The following TTLL6 variants were observed in gnomAD, a reference collection of about 807,000 sequenced individuals.
TTLL6 encodes the protein tubulin tyrosine ligase like 6.
A neutral mutation model predicts 96.4 loss-of-function variants in TTLL6; 75 were observed. That is an observed-to-expected ratio of 0.78 (90% CI 0.65 to 0.94). The LOEUF (loss-of-function observed/expected upper bound fraction) is 0.94, where lower values mean the gene tolerates loss of function less well. TTLL6 is among the 40% of genes least tolerant of loss of function. The pLI, the probability that TTLL6 is intolerant of heterozygous loss-of-function variation, is 0.00. For missense variants in TTLL6, 1,030 were observed against 1,093.0 expected (o/e 0.94, Z 0.81); for synonymous variants, 411 against 419.4 (o/e 0.98, Z 0.24).
At chr17:48,791,202 A>T (rs1180499098) in intron 9 of TTLL6, among the ~76,000 whole-genome samples, 176 bp downstream of exon 9, 1 of 151,816 alleles carries the variant, frequency 6.6e-6, no homozygotes, top group African/African-American at 2.4e-5. Context: ...CCAGCTGTCT[A>T]CCCCCCTCTG....
At chr17:48,813,100 G>A (rs2039617835) in intron 1 of TTLL6, among the ~76,000 whole-genome samples, 1 of 152,180 alleles carries the variant, frequency 6.6e-6, no homozygotes, top group Non-Finnish European at 1.5e-5. Context: ...AAGAGGCACA[G>A]CTGGGGTTGG....
intron 1 of TTLL6, among the ~76,000 whole-genome samples, chr17:48,805,560 G>A (rs1343152863): frequency 6.6e-6 from 1 of 152,168 alleles, no homozygotes; most frequent in Admixed American, 6.5e-5. Context: ...AGAAGGCTGT[G>A]TCTCTCCCAC....
At chr17:48,796,392 C>T (rs1293130661) in intron 7 of TTLL6, among the ~76,000 whole-genome samples, 1 of 152,180 alleles carries the variant, frequency 6.6e-6, no homozygotes, top group African/African-American at 2.4e-5. Context: ...GAGGCTGAGG[C>T]AGGCAGATCA....
intron 5 of TTLL6, 147 bp from the exon 6 acceptor site, chr17:48,799,907 G>A: frequency 5.5e-6 from 4 of 724,670 alleles, no homozygotes; most frequent in Non-Finnish European, 9.0e-6. Flanking sequence ...AGCAATGGGA[G>A]AGAGTAGAGC....
chr17:48,793,898 G>C (rs931351887), intron 8 of TTLL6, among the ~76,000 whole-genome samples: 1 of 152,176 alleles, frequency 6.6e-6, no homozygotes, highest in African/African-American at 2.4e-5. Flanking sequence ...GAGATGAGAA[G>C]GTAGAGATGG....
At chr17:48,802,134 GAAAGAAAGAAAGAAAGAAAAT>G in intron 3 of TTLL6, among the ~76,000 whole-genome samples, 1 of 125,636 alleles carries the variant, frequency 8.0e-6, no homozygotes, top group African/African-American at 3.0e-5. Context: ...AAGAAAGAAA[GAAAGAAAGAAAGAAAGAAAAT>G]AAAGGAACAT....
Position 48,817,023 on chromosome 17 carries a change from A to G in TTLL6, c.50T>C (p.Val17Ala). The change falls in exon 1 of 16, where the codon GTT becomes GCT. Residue 17 changes from valine to alanine, a missense_variant. Physicochemically the swap from Val to Ala is moderately conservative, Grantham distance 64 (BLOSUM62 0). Coordinates refer to ENST00000393382, the MANE Select transcript of TTLL6 (RefSeq NM_001130918.3). ...CGCTGGGCTGCTAGTCCAGCTTGCAACCACACCTGCCGGCCCCCTCCTCGA... is the reference window on the plus strand; with the variant it reads ...CGCTGGGCTGCTAGTCCAGCTTGCAGCCACACCTGCCGGCCCCCTCCTCGA... ...HPSRRGPAGVVASWTSSPAGR... is the reference protein window; with the variant it reads ...HPSRRGPAGVAASWTSSPAGR... 3 of 1,544,258 alleles carry G rather than the reference A, an allele frequency of 1.9e-6. No individual in the cohort carries two copies. Among genetic ancestry groups the G allele is most frequent in the Non-Finnish European group, 1.7e-6 (2 of 1,145,790 alleles).
At position 48,783,498 on chromosome 17, in the gene TTLL6, C is replaced by G. The variant is rs559700149; in HGVS notation, c.2040+1425G>C. On this transcript the variant is annotated intron_variant, in intron 13 of 15. Transcript: ENST00000393382. ...CCAGACTGGAGTGCAGTGGCATGAT[C>G]TGGGCTCACTGCAACCTCCACCTAC... is the stretch of plus-strand genomic sequence containing the variant. 5.8e-4 allele frequency among the ~76,000 whole-genome samples: 87 copies of G among 151,124 alleles called. 1 individual carries two copies. Among genetic ancestry groups the G allele is most frequent in the African/African-American group, 1.9e-3 (79 of 41,090 alleles).
rs1454128298 is a variant in TTLL6 at position 48,804,090 on chromosome 17, G to A, written c.324-162C>T. ...CCTGTTGCTGAGGACACGAGTCCAAGGGGGTACAGCATGGTGGAAAACATG... is the reference window on the plus strand; with the variant it reads ...CCTGTTGCTGAGGACACGAGTCCAAAGGGGTACAGCATGGTGGAAAACATG... On this transcript the variant is annotated intron_variant, in intron 2 of 15. Coordinates refer to ENST00000393382, the MANE Select transcript of TTLL6 (RefSeq NM_001130918.3). 10 of 707,942 alleles carry A rather than the reference G, an allele frequency of 1.4e-5. No individual in the cohort carries two copies. The East Asian group carries it at 2.2e-4, about 15-fold the overall frequency. The allele number at this position is 707,942 out of a possible 1,614,324, so 43.9% of individuals were successfully genotyped here. A position where few individuals can be genotyped will look rare whatever the true frequency, so the allele number is the denominator to read the frequency against.
chr17:48,787,346 T>C (rs2039121088), intron 11 of TTLL6, among the ~76,000 whole-genome samples: 1 of 152,150 alleles, frequency 6.6e-6, no homozygotes, highest in Admixed American at 6.6e-5. Context: ...ATCTTCCAAT[T>C]CCTTGTCCTT....
Position 48,762,978 on chromosome 17 carries a change from A to G in TTLL6, c.*1-5T>C, listed in dbSNP as rs915656125. 7.1e-6 allele frequency: 3 copies of G among 423,542 alleles called. No individual in the cohort carries two copies. The highest frequency in any genetic ancestry group is 1.5e-4 in the East Asian group (2 of 13,748). The allele number at this position is 423,542 out of a possible 1,614,324, so 26.2% of individuals were successfully genotyped here. ...TGGCAGAGATCCAGTCTGATTCTGGAAAAAAAAAATTTTTTTTTTAGATTT... is the reference window on the plus strand; with the variant it reads ...TGGCAGAGATCCAGTCTGATTCTGGGAAAAAAAAATTTTTTTTTTAGATTT... On this transcript the variant is annotated splice_region_variant and splice_polypyrimidine_tract_variant and intron_variant, in intron 15 of 15. Coordinates refer to ENST00000393382, the MANE Select transcript of TTLL6 (RefSeq NM_001130918.3).
chr17:48,769,205 G>T lies in TTLL6; in HGVS notation c.2460C>A (p.Gly820=). 1 of 1,613,156 alleles carries T rather than the reference G, an allele frequency of 6.2e-7. No individual in the cohort carries two copies. ...GECHSRSDSS[G]EKRQLDVSSL... is the part of the protein sequence containing the mutation. ...AGGACACATCCAGCTGCCTCTTCTC[G>T]CCAGAGCTGTCACTGCGGGAGTGGC... The change falls in exon 15 of 16, where the codon GGC becomes GGA. Residue 820 remains glycine (G), a synonymous_variant. Coordinates refer to ENST00000393382, the MANE Select transcript of TTLL6 (RefSeq NM_001130918.3).
intron 10 of TTLL6, among the ~76,000 whole-genome samples, chr17:48,789,673 G>A (rs960452490): frequency 1.3e-5 from 2 of 152,092 alleles, no homozygotes; most frequent in Non-Finnish European, 2.9e-5. Flanking sequence ...TCCTGCCTCA[G>A]TCTCCTGAGT....
chr17:48,802,041 A>G (rs1279646938), intron 3 of TTLL6, among the ~76,000 whole-genome samples: 3 of 148,856 alleles, frequency 2.0e-5, no homozygotes, highest in Non-Finnish European at 4.5e-5. Flanking sequence ...GACCCTGTCA[A>G]AAAAAAAAGA....
chr17:48,801,689 G>A lies in TTLL6; in HGVS notation c.362-46C>T, dbSNP rs904984394. On this transcript the variant is annotated intron_variant, in intron 3 of 15. Coordinates refer to ENST00000393382, the MANE Select transcript of TTLL6 (RefSeq NM_001130918.3). The stretch of plus-strand genomic sequence containing the variant: ...TATTAGCCCAGGAAGTGGGGGAGGA[G>A]TATGGGGTGGGGAGATTCCATTACT... 11 of 1,478,200 alleles carry A rather than the reference G, an allele frequency of 7.4e-6. No individual in the cohort carries two copies. The Admixed American group carries it at 1.6e-4, about 21-fold the overall frequency. The allele number at this position is 1,478,200 out of a possible 1,614,324, so 91.6% of individuals were successfully genotyped here. A position where few individuals can be genotyped will look rare whatever the true frequency, so the allele number is the denominator to read the frequency against.
chr17:48,773,230 A>G (rs1029432758), intron 13 of TTLL6, among the ~76,000 whole-genome samples: 1 of 152,200 alleles, frequency 6.6e-6, no homozygotes, highest in Non-Finnish European at 1.5e-5. Flanking sequence ...CTTAACATAC[A>G]TGTTATTGAA....
rs149038470 is a variant in TTLL6, at chr17:48,808,374, ATGTG to A, written c.104-3387_104-3384del. On this transcript the variant is annotated intron_variant, in intron 1 of 15. Transcript: ENST00000393382. ...GCAAATTACATCGCTTCTCATATGT[ATGTG>A]TGTGTGTGTGTGTGTGTGTGCACGT... 8.7e-4 allele frequency among the ~76,000 whole-genome samples: 130 copies of A among 148,702 alleles called. 1 individual carries two copies. Among genetic ancestry groups the A allele is most frequent in the Admixed American group, 4.9e-3 (73 of 14,812 alleles).
chr17:48,811,753 A>G (rs1281236728), intron 1 of TTLL6, among the ~76,000 whole-genome samples: 1 of 146,448 alleles, frequency 6.8e-6, no homozygotes, highest in Admixed American at 7.0e-5. Context: ...GCTGGAGTGC[A>G]ATGGCACGAT....
chr17:48,765,150 G>A (rs561201931), intron 15 of TTLL6, among the ~76,000 whole-genome samples: 5 of 152,184 alleles, frequency 3.3e-5, no homozygotes, highest in Admixed American at 6.6e-5. Flanking sequence ...AATGACTCAC[G>A]TCTGTAATCC....
Sources: allele counts gnomAD v4.1 joint callset (sites outside exome capture counted in the v4.1 genomes callset), GRCh38; gene constraint gnomAD v4.1.1; transcripts MANE v1.5; gene names NCBI Gene and HGNC (gene_info 2026-07-23, HGNC 2026-07-21).